The following DOCK4 variants were observed in gnomAD, a reference collection of about 807,000 sequenced individuals.
The protein encoded by DOCK4 is dedicator of cytokinesis protein 4.
In DOCK4, 97 loss-of-function variants were observed where a neutral mutation model predicts 268.1. The observed-to-expected ratio is 0.36, with a 90% CI of 0.31 to 0.43. DOCK4 has a LOEUF of 0.43. Among genes scored for constraint, DOCK4 ranks in the 20% least tolerant of loss-of-function variants. The pLI is 1.00. For synonymous variants in DOCK4, 954 were observed against 887.2 expected (o/e 1.08, Z -1.34); for missense variants, 2,145 against 2,455.7 (o/e 0.87, Z 2.67).
At chr7:111,884,723 G>A (rs1807691961) in intron 16 of DOCK4, among the ~76,000 whole-genome samples, 1 of 152,166 alleles carries the variant, frequency 6.6e-6, no homozygotes, top group Non-Finnish European at 1.5e-5. Flanking sequence ...GATAAGGTAG[G>A]GAGGAAGGGC....
At chr7:112,037,357 C>T (rs1289404661) in intron 1 of DOCK4, among the ~76,000 whole-genome samples, 1 of 152,192 alleles carries the variant, frequency 6.6e-6, no homozygotes, top group East Asian at 1.9e-4. Context: ...AGTCGAGAAG[C>T]ATCTGCAAAC....
intron 1 of DOCK4, among the ~76,000 whole-genome samples, chr7:112,174,957 T>TC: frequency 6.9e-6 from 1 of 145,854 alleles, no homozygotes; most frequent in South Asian, 2.1e-4. Context: ...TTTTTTTTTT[T>TC]TGAGACAGAG....
intron 14 of DOCK4, 120 bp from the exon 15 acceptor site, chr7:111,900,656 C>G (rs1256485426): frequency 1.1e-5 from 12 of 1,053,032 alleles, no homozygotes; most frequent in Non-Finnish European, 1.4e-5. Flanking sequence ...AATTACCTCG[C>G]TGGGCCTTTG....
At chr7:111,963,514 C>A (rs796507433) in intron 8 of DOCK4, among the ~76,000 whole-genome samples, 1 of 72,258 alleles carries the variant, frequency 1.4e-5, no homozygotes, top group Non-Finnish European at 2.4e-5. Flanking sequence ...TAAGAAACGG[C>A]GCACCACGAG....
intron 30 of DOCK4, among the ~76,000 whole-genome samples, chr7:111,806,307 TACTTAA>T (rs1428982679): frequency 6.6e-6 from 1 of 152,216 alleles, no homozygotes; most frequent in Non-Finnish European, 1.5e-5. Flanking sequence ...TCACTCTGAA[TACTTAA>T]TTATTCTTCT....
intron 8 of DOCK4, among the ~76,000 whole-genome samples, chr7:111,976,246 A>G (rs1254722202): frequency 9.8e-6 from 1 of 102,348 alleles, no homozygotes; most frequent in Non-Finnish European, 2.0e-5. Context: ...ATATATGTGT[A>G]TATATATGTG....
At chr7:111,870,360 G>A (rs915516540) in intron 20 of DOCK4, among the ~76,000 whole-genome samples, 4 of 95,192 alleles carry the variant, frequency 4.2e-5, no homozygotes, top group Non-Finnish European at 8.0e-5. Context: ...GTCTTGCTTT[G>A]TCACCCAGGC....
At chr7:111,767,006 G>C in intron 38 of DOCK4, 26 bp downstream of exon 38, 1 of 1,583,114 alleles carries the variant, frequency 6.3e-7, no homozygotes, top group South Asian at 1.1e-5. Flanking sequence ...GCTATGGCCT[G>C]ATCAGGATGC....
intron 41 of DOCK4, among the ~76,000 whole-genome samples, chr7:111,757,085 G>A (rs1248094969): frequency 1.3e-5 from 2 of 152,066 alleles, no homozygotes; most frequent in Non-Finnish European, 2.9e-5. Flanking sequence ...GAAAGGGCTT[G>A]GCGGGAGAGG....
At chr7:111,799,835 C>T (rs1348656372) in intron 30 of DOCK4, among the ~76,000 whole-genome samples, 4 of 152,058 alleles carry the variant, frequency 2.6e-5, no homozygotes, top group Admixed American at 2.6e-4. Flanking sequence ...TACATCTTGG[C>T]AAGTAAAGAA....
intron 7 of DOCK4, among the ~76,000 whole-genome samples, chr7:111,980,319 A>AGT (rs1275021325): frequency 2.0e-5 from 3 of 152,180 alleles, no homozygotes; most frequent in African/African-American, 7.2e-5. Context: ...GTACTTCCGC[A>AGT]AACTGCTAAA....
intron 8 of DOCK4, among the ~76,000 whole-genome samples, chr7:111,957,538 C>T (rs1329721795): frequency 1.3e-5 from 2 of 152,124 alleles, no homozygotes; most frequent in Non-Finnish European, 2.9e-5. Flanking sequence ...CATCAGTAGA[C>T]TACAAGCTGT....
At chr7:111,881,527 C>T (rs544392436) in intron 16 of DOCK4, among the ~76,000 whole-genome samples, 56 of 152,232 alleles carry the variant, frequency 3.7e-4, no homozygotes, top group African/African-American at 1.3e-3. Context: ...GTTCCTCAAA[C>T]AACTATAAAG....
intron 30 of DOCK4, among the ~76,000 whole-genome samples, chr7:111,806,286 G>T (rs1800667543): frequency 6.6e-6 from 1 of 152,092 alleles, no homozygotes; most frequent in South Asian, 2.1e-4. Context: ...CCTATAAGGG[G>T]TATCAAAATG....
chr7:112,126,686 T>G (rs1055037597), intron 1 of DOCK4, among the ~76,000 whole-genome samples: 4 of 152,026 alleles, frequency 2.6e-5, no homozygotes, highest in African/African-American at 9.7e-5. Flanking sequence ...ATCCAGAATC[T>G]ACAATGAACT....
intron 1 of DOCK4, among the ~76,000 whole-genome samples, chr7:112,051,867 AAAG>A (rs1307086344): frequency 6.6e-6 from 1 of 152,156 alleles, no homozygotes; most frequent in African/African-American, 2.4e-5. Flanking sequence ...TTAAAACCTT[AAAG>A]AAGTCTAGCT....
rs200784560 is a variant in DOCK4, at chr7:111,741,228, A to G, written c.4920-14T>C. The G allele has an allele frequency of 1.6e-3, 2,519 of 1,605,634 alleles. 5 individuals carry two copies. Among genetic ancestry groups the G allele is most frequent in the Non-Finnish European group, 2.0e-3 (2,305 of 1,176,136 alleles). Reference sequence around the variant, plus strand: ...TAACTTAACGGGCTGTTTCAGGGGGAAAAAAAAGGTCATTAACTCAGTCTC... The same window carrying G: ...TAACTTAACGGGCTGTTTCAGGGGGGAAAAAAAGGTCATTAACTCAGTCTC... On this transcript the variant is annotated splice_polypyrimidine_tract_variant and intron_variant, in intron 46 of 52. Transcript: ENST00000428084.
chr7:111,771,421 C>T (rs1056955151), intron 36 of DOCK4, among the ~76,000 whole-genome samples: 37 of 152,188 alleles, frequency 2.4e-4, no homozygotes, highest in Admixed American at 2.4e-3. Context: ...CCTTCTGTTG[C>T]ATGCACTCTT....
intron 30 of DOCK4, among the ~76,000 whole-genome samples, chr7:111,801,112 C>T (rs1048351711): frequency 1.3e-5 from 2 of 152,146 alleles, no homozygotes; most frequent in African/African-American, 4.8e-5. Context: ...CCACCTGTGC[C>T]AAGTGTCATG....
Sources: gnomAD v4.1 joint callset for allele counts (sites outside exome capture counted in the v4.1 genomes callset) on GRCh38, gnomAD v4.1.1 for gene constraint, MANE v1.5 for transcripts, NCBI Gene and HGNC (gene_info 2026-07-23, HGNC 2026-07-21) for gene names.